The following SCFD2 variants were observed in gnomAD, a reference collection of about 807,000 sequenced individuals.
SCFD2 encodes sec1 family domain containing 2, also known as sec1 family domain-containing protein 2.
Under a neutral mutation model 58.9 loss-of-function variants are expected in SCFD2, and 54 were observed. That is an observed-to-expected ratio of 0.92 (90% CI 0.74 to 1.15). SCFD2 has a LOEUF of 1.15. SCFD2 is among the 50% of genes most tolerant of loss of function. The probability of loss-of-function intolerance (pLI) is 0.00; values close to 1 mark genes in which losing one functional copy is unlikely to be tolerated. For synonymous variants in SCFD2, 321 were observed against 335.9 expected, an observed-to-expected ratio of 0.96 and a Z score of 0.49; for missense variants, 805 against 836.6, an observed-to-expected ratio of 0.96 and a Z score of 0.47.
chr4:53,180,818 G>C (rs1727524977), intron 4 of SCFD2, among the ~76,000 whole-genome samples: 2 of 152,080 alleles, frequency 1.3e-5, no homozygotes, highest in African/African-American at 2.4e-5. Context: ...TGACAAAGGG[G>C]ATATCACCAC....
At chr4:53,112,147 T>G (rs1262671216) in intron 5 of SCFD2, among the ~76,000 whole-genome samples, 1 of 152,078 alleles carries the variant, frequency 6.6e-6, no homozygotes, top group Non-Finnish European at 1.5e-5. Flanking sequence ...GTAGTCCACA[T>G]ATTGAATCAC....
intron 5 of SCFD2, among the ~76,000 whole-genome samples, chr4:53,054,964 C>T (rs548516684): frequency 1.3e-5 from 2 of 152,186 alleles, no homozygotes; most frequent in African/African-American, 2.4e-5. Flanking sequence ...TGAAGTCCAA[C>T]TTTTAAAAGT....
intron 5 of SCFD2, among the ~76,000 whole-genome samples, chr4:53,116,304 C>G (rs1024516519): frequency 6.6e-6 from 1 of 152,154 alleles, no homozygotes; most frequent in African/African-American, 2.4e-5. Flanking sequence ...AAGCTCTGCT[C>G]GTTGATATCA....
Position 53,012,357 on chromosome 4 carries a change from C to CTT in SCFD2, c.1562-91488_1562-91487insAA, listed in dbSNP as rs1371718462. On this transcript the variant is annotated intron_variant, in intron 5 of 8. Coordinates refer to ENST00000401642, the MANE Select transcript of SCFD2 (RefSeq NM_152540.4). The stretch of plus-strand genomic sequence containing the variant: ...TAGCATAAAATCTCTCTCTCTCTTT[C>CTT]TCTCTCTCTCTCTCTCTCTCACACA... Among the ~76,000 whole-genome samples the CTT allele has an allele frequency of 3.0e-4, 40 of 132,582 alleles. 1 individual carries two copies. Among genetic ancestry groups the CTT allele is most frequent in the African/African-American group, 9.5e-4 (30 of 31,534 alleles). 87.0% of individuals were successfully genotyped at this position (132,582 alleles called of 152,430 possible).
At chr4:52,975,576 G>A (rs972492070) in intron 5 of SCFD2, among the ~76,000 whole-genome samples, 1 of 152,208 alleles carries the variant, frequency 6.6e-6, no homozygotes, top group Non-Finnish European at 1.5e-5. Flanking sequence ...CTGTTGGTGG[G>A]ACGGTAAACT....
At chr4:53,213,006 G>T (rs913442194) in intron 4 of SCFD2, among the ~76,000 whole-genome samples, 14 of 152,010 alleles carry the variant, frequency 9.2e-5, no homozygotes, top group African/African-American at 3.1e-4. Context: ...TACGAATAAG[G>T]CTGTTCTAGA....
At chr4:53,252,494 G>C in intron 4 of SCFD2, among the ~76,000 whole-genome samples, 1 of 150,684 alleles carries the variant, frequency 6.6e-6, no homozygotes, top group Non-Finnish European at 1.5e-5. Context: ...ATACTACAAG[G>C]CTACAGTAAC....
chr4:53,266,650 C>T (rs1268193279), intron 4 of SCFD2, among the ~76,000 whole-genome samples: 2 of 152,206 alleles, frequency 1.3e-5, no homozygotes, highest in East Asian at 1.9e-4. Context: ...TGAAAACACT[C>T]ACTAATTGAA....
intron 5 of SCFD2, among the ~76,000 whole-genome samples, chr4:52,968,297 A>G (rs1721008773): frequency 6.6e-6 from 1 of 152,254 alleles, no homozygotes; most frequent in Admixed American, 6.5e-5. Flanking sequence ...TGTGCACAAA[A>G]GATATTCTTA....
At chr4:53,064,336 C>A (rs1448512606) in intron 5 of SCFD2, among the ~76,000 whole-genome samples, 2 of 151,950 alleles carry the variant, frequency 1.3e-5, no homozygotes, top group Non-Finnish European at 2.9e-5. Context: ...CCAACACATA[C>A]CATTTTGATT....
intron 5 of SCFD2, among the ~76,000 whole-genome samples, chr4:53,051,678 T>A (rs773220622): frequency 3.9e-5 from 6 of 152,198 alleles, no homozygotes; most frequent in Non-Finnish European, 8.8e-5. Context: ...TGTTTCTCCA[T>A]CTGGATATAA....
chr4:52,978,213 G>A (rs1721295974), intron 5 of SCFD2, among the ~76,000 whole-genome samples: 1 of 152,114 alleles, frequency 6.6e-6, no homozygotes, highest in Admixed American at 6.5e-5. Flanking sequence ...CTGGAGCTTG[G>A]AGGACAGCAG....
chr4:53,204,806 G>A (rs984839216), intron 4 of SCFD2, among the ~76,000 whole-genome samples: 1 of 150,390 alleles, frequency 6.6e-6, no homozygotes, highest in African/African-American at 2.5e-5. Context: ...CCATAGTAAG[G>A]AAAAACATGT....
chr4:53,039,098 C>T (rs1722832876), intron 5 of SCFD2, among the ~76,000 whole-genome samples: 2 of 152,142 alleles, frequency 1.3e-5, no homozygotes, highest in Admixed American at 6.6e-5. Context: ...TTTGGCTACT[C>T]TAGTCTAGTG....
chr4:53,332,622 C>A (rs1733521251), intron 2 of SCFD2, among the ~76,000 whole-genome samples: 1 of 152,252 alleles, frequency 6.6e-6, no homozygotes, highest in Non-Finnish European at 1.5e-5. Flanking sequence ...CTATCTATGA[C>A]AAACCCACAG....
intron 2 of SCFD2, among the ~76,000 whole-genome samples, chr4:53,319,256 G>C (rs1732954400): frequency 6.6e-6 from 1 of 152,148 alleles, no homozygotes; most frequent in Admixed American, 6.5e-5. Context: ...TTTGTTTTAA[G>C]CAATATCATA....
chr4:53,051,129 G>A (rs1723181469), intron 5 of SCFD2, among the ~76,000 whole-genome samples: 1 of 152,140 alleles, frequency 6.6e-6, no homozygotes, highest in South Asian at 2.1e-4. Context: ...TGTATTCCTA[G>A]TGCCTGGCAC....
intron 4 of SCFD2, among the ~76,000 whole-genome samples, chr4:53,146,339 A>G (rs1726330899): frequency 6.6e-6 from 1 of 152,160 alleles, no homozygotes; most frequent in Non-Finnish European, 1.5e-5. Context: ...AAATTCTGAG[A>G]TTTTTGGTGG....
At chr4:53,029,015 A>G (rs1164947686) in intron 5 of SCFD2, among the ~76,000 whole-genome samples, 1 of 152,236 alleles carries the variant, frequency 6.6e-6, no homozygotes, top group Non-Finnish European at 1.5e-5. Flanking sequence ...AACGAAAAAG[A>G]TGGCAGTTTC....
Sources: gnomAD v4.1 joint callset for allele counts (sites outside exome capture counted in the v4.1 genomes callset) on GRCh38, gnomAD v4.1.1 for gene constraint, MANE v1.5 for transcripts, NCBI Gene and HGNC (gene_info 2026-07-23, HGNC 2026-07-21) for gene names.